The following CTNNA1 variants were observed in gnomAD, a reference collection of about 807,000 sequenced individuals.
CTNNA1 encodes the protein catenin alpha-1.
CTNNA1 carries 37 observed loss-of-function variants against 98.4 expected under a neutral mutation model. The observed-to-expected ratio is 0.38, with a 90% CI of 0.29 to 0.49. The LOEUF (loss-of-function observed/expected upper bound fraction) is 0.49. Among genes scored for constraint, CTNNA1 ranks in the 20% least tolerant of loss-of-function variants. CTNNA1 has a pLI of 0.95. For missense variants in CTNNA1, 761 were observed against 1,147.2 expected (o/e 0.66, Z 4.86); for synonymous variants, 404 against 413.2 (o/e 0.98, Z 0.27).
intron 7 of CTNNA1, among the ~76,000 whole-genome samples, chr5:138,867,747 CT>C (rs67829407): frequency 0.31 from 44,145 of 143,958 alleles, 6,357 homozygotes; most frequent in African/African-American, 0.36. Context: ...TTCTTTCTTT[CT>C]TTTTTTTTTT....
intron 1 of CTNNA1, among the ~76,000 whole-genome samples, chr5:138,781,354 T>C (rs1755084232): frequency 6.6e-6 from 1 of 151,876 alleles, no homozygotes; most frequent in African/African-American, 2.4e-5. Flanking sequence ...ATCGAGACCA[T>C]CATATCCTGG....
intron 13 of CTNNA1, among the ~76,000 whole-genome samples, chr5:138,927,162 C>T (rs1764246757): frequency 6.6e-6 from 1 of 152,230 alleles, no homozygotes; most frequent in African/African-American, 2.4e-5. Context: ...TGGGTGCCTA[C>T]AGTCTCATGA....
In CTNNA1 at chr5:138,815,624, A is replaced by C. The variant is rs1759355260; in HGVS notation, c.588+3322A>C. 3.9e-5 allele frequency among the ~76,000 whole-genome samples: 6 copies of C among 152,146 alleles called. No individual in the cohort carries two copies. In the South Asian group the frequency reaches 1.2e-3, roughly 31 times the overall value. ...TTTGTAGTTTTTCTGTATTTTGTCCATACCTATGTATGATAGTATAGTCTC... is the reference window on the plus strand; with the variant it reads ...TTTGTAGTTTTTCTGTATTTTGTCCCTACCTATGTATGATAGTATAGTCTC... On this transcript the variant is annotated intron_variant, in intron 5 of 17. Transcript: ENST00000302763.
intron 7 of CTNNA1, among the ~76,000 whole-genome samples, chr5:138,848,484 C>G (rs1035932363): frequency 3.3e-5 from 5 of 152,166 alleles, no homozygotes; most frequent in Admixed American, 3.3e-4. Flanking sequence ...GCTTAGTTCT[C>G]TCTCTGCTCC....
At chr5:138,845,906 G>C (rs967219888) in intron 7 of CTNNA1, among the ~76,000 whole-genome samples, 1 of 150,658 alleles carries the variant, frequency 6.6e-6, no homozygotes, top group Non-Finnish European at 1.5e-5. Context: ...ATAGCTAAAG[G>C]GTACAGGTTT....
intron 1 of CTNNA1, chr5:138,754,467 T>C (rs1403999251): frequency 2.6e-5 from 4 of 152,150 alleles, no homozygotes; most frequent in Admixed American, 2.0e-4. Flanking sequence ...GAATTTACAA[T>C]TATTTGGAAA....
intron 5 of CTNNA1, among the ~76,000 whole-genome samples, chr5:138,812,657 A>G (rs1248757293): frequency 6.6e-6 from 1 of 152,226 alleles, no homozygotes; most frequent in African/African-American, 2.4e-5. Flanking sequence ...CCATTTAAAT[A>G]TACTGGAATT....
chr5:138,881,616 T>C (rs288029), intron 7 of CTNNA1, among the ~76,000 whole-genome samples: 36,715 of 152,168 alleles, frequency 0.24, 4,870 homozygotes, highest in Middle Eastern at 0.31. Flanking sequence ...TGGTTATCAC[T>C]TCCTTTCTCA....
intron 10 of CTNNA1, 85 bp downstream of exon 10, chr5:138,904,526 T>C: frequency 6.5e-7 from 1 of 1,532,788 alleles, no homozygotes; most frequent in Non-Finnish European, 8.8e-7. Flanking sequence ...TTAAGTTTTG[T>C]TTTGTTTTTA....
intron 1 of CTNNA1, among the ~76,000 whole-genome samples, chr5:138,758,203 T>C (rs1255176033): frequency 6.6e-6 from 1 of 151,574 alleles, no homozygotes; most frequent in Non-Finnish European, 1.5e-5. Flanking sequence ...TTATTTTATT[T>C]ATTTTTATTT....
chr5:138,779,036 GC>G (rs747829231), intron 1 of CTNNA1, among the ~76,000 whole-genome samples: 17 of 152,160 alleles, frequency 1.1e-4, no homozygotes, highest in Non-Finnish European at 2.4e-4. Context: ...CCGCCACTAC[GC>G]CTGGCTAATT....
At position 138,824,504 on chromosome 5, in the gene CTNNA1, A is replaced by G. The variant is rs547891114; in HGVS notation, c.589-26A>G. ...TAAAGCCCATATAAAGAGTGCTCCA[A>G]TTTCTTGTTTTATTTACTCTTGTAG... On this transcript the variant is annotated intron_variant, in intron 5 of 17. Coordinates refer to ENST00000302763, the MANE Select transcript of CTNNA1 (RefSeq NM_001903.5). 1.0e-5 allele frequency: 16 copies of G among 1,605,846 alleles called. No homozygotes were observed. In the East Asian group the frequency reaches 2.0e-4, roughly 20 times the overall value.
intron 7 of CTNNA1, among the ~76,000 whole-genome samples, chr5:138,866,556 G>T (rs1581345420): frequency 6.6e-6 from 1 of 152,164 alleles, no homozygotes; most frequent in Admixed American, 6.5e-5. Flanking sequence ...GCCCATCAGG[G>T]TTGCTGTTAG....
At chr5:138,920,181 T>C (rs755859092) in intron 11 of CTNNA1, among the ~76,000 whole-genome samples, 2 of 152,124 alleles carry the variant, frequency 1.3e-5, no homozygotes, top group African/African-American at 2.4e-5. Context: ...GGTTTCACCA[T>C]GTTGGCCAGG....
intron 1 of CTNNA1, among the ~76,000 whole-genome samples, chr5:138,775,006 GA>G (rs1039246833): frequency 9.2e-5 from 14 of 152,138 alleles, no homozygotes; most frequent in Non-Finnish European, 2.1e-4. Flanking sequence ...TTTTGTTCAA[GA>G]AAAAAATGAA....
At chr5:138,813,706 T>C (rs919257616) in intron 5 of CTNNA1, among the ~76,000 whole-genome samples, 4 of 152,158 alleles carry the variant, frequency 2.6e-5, no homozygotes, top group African/African-American at 9.7e-5. Flanking sequence ...TAACCTCGAT[T>C]TCCCCAGGCT....
At chr5:138,807,238 C>T (rs1393715644) in intron 3 of CTNNA1, among the ~76,000 whole-genome samples, 1 of 151,822 alleles carries the variant, frequency 6.6e-6, no homozygotes, top group East Asian at 1.9e-4. Flanking sequence ...GAACTCCTGA[C>T]CTCAAGTGAT....
chr5:138,781,789 G>C (rs1000567049), intron 1 of CTNNA1, 134 bp from the exon 2 acceptor site: 5 of 692,220 alleles, frequency 7.2e-6, no homozygotes, highest in Non-Finnish European at 1.1e-5. Flanking sequence ...TTCATGTGTA[G>C]GCTAGTTAGA....
intron 7 of CTNNA1, among the ~76,000 whole-genome samples, chr5:138,847,744 T>G (rs78319912): frequency 6.6e-6 from 1 of 152,150 alleles, no homozygotes; most frequent in African/African-American, 2.4e-5. Flanking sequence ...ATAGAGCATA[T>G]TTTTGCTGCC....
Sources: allele counts gnomAD v4.1 joint callset (sites outside exome capture counted in the v4.1 genomes callset), GRCh38; gene constraint gnomAD v4.1.1; transcripts MANE v1.5; gene names NCBI Gene and HGNC (gene_info 2026-07-23, HGNC 2026-07-21).